KAT6B: variants seen among roughly 807,000 people sequenced by gnomAD.
The protein encoded by KAT6B is lysine acetyltransferase 6B, also known as histone acetyltransferase KAT6B.
In KAT6B, 10 loss-of-function variants were observed where a neutral mutation model predicts 187.5. The observed-to-expected ratio is 0.05, with a 90% CI of 0.03 to 0.09. KAT6B has a LOEUF of 0.09. KAT6B is among the 10% of genes least tolerant of loss of function. The pLI is 1.00. For missense variants in KAT6B, 1,952 were observed against 2,558.9 expected (o/e 0.76, Z 5.12); for synonymous variants, 861 against 926.8 (o/e 0.93, Z 1.29).
rs143876235 is a variant in KAT6B at position 74,879,333 on chromosome 10, G to A, written c.621+35855G>A. Among the ~76,000 whole-genome samples, 345 of 152,274 alleles carry A rather than the reference G, an allele frequency of 2.3e-3. 1 individual carries two copies. Among genetic ancestry groups the A allele is most frequent in the African/African-American group, 7.9e-3 (328 of 41,550 alleles). ...TGGAAAGCCCTAGGAAAACCAGGAT[G>A]GTTGGCCATCCTAGTCTTTCCCCAT... On this transcript the variant is annotated intron_variant, in intron 3 of 17. Coordinates refer to ENST00000287239, the MANE Select transcript of KAT6B (RefSeq NM_012330.4).
At chr10:74,851,111 AT>A (rs551058752) in intron 3 of KAT6B, among the ~76,000 whole-genome samples, 17,199 of 145,548 alleles carry the variant, frequency 0.12, 2,211 homozygotes, top group African/African-American at 0.32. Flanking sequence ...AATCAAAATG[AT>A]TTTTTTTTTT....
intron 3 of KAT6B, among the ~76,000 whole-genome samples, chr10:74,871,448 T>G (rs972779789): frequency 1.3e-5 from 2 of 151,468 alleles, no homozygotes; most frequent in Non-Finnish European, 2.9e-5. Context: ...CTGCCTTGGC[T>G]TCCCAAAGTG....
At chr10:74,833,864 C>CT (rs1235768650) in intron 1 of KAT6B, among the ~76,000 whole-genome samples, 1 of 152,184 alleles carries the variant, frequency 6.6e-6, no homozygotes, top group Admixed American at 6.5e-5. Flanking sequence ...TAGTGTTACT[C>CT]TAAAAAGATG....
intron 3 of KAT6B, among the ~76,000 whole-genome samples, chr10:74,948,745 T>C (rs1199519027): frequency 6.6e-6 from 1 of 152,234 alleles, no homozygotes; most frequent in African/African-American, 2.4e-5. Context: ...ATTGTTGTTA[T>C]GCCTATCCTT....
rs1022610611 is a variant in KAT6B at position 74,918,205 on chromosome 10, G to A, written c.622-41765G>A. Among the ~76,000 whole-genome samples the A allele has an allele frequency of 2.6e-5, 4 of 152,158 alleles. No homozygotes were observed. The East Asian group carries it at 7.7e-4, about 29-fold the overall frequency. ...TTAATAAAGAATATGAATTTATTCT[G>A]TAATGCCTATTGGGCACCTATTATA... On this transcript the variant is annotated intron_variant, in intron 3 of 17. Transcript: ENST00000287239.
At chr10:74,907,510 T>TTTTTTC (rs774952241) in intron 3 of KAT6B, among the ~76,000 whole-genome samples, 29 of 152,240 alleles carry the variant, frequency 1.9e-4, no homozygotes, top group Non-Finnish European at 1.3e-4. Context: ...GTGACTTTTC[T>TTTTTTC]TTTTTCTTTT....
At chr10:74,951,512 C>T (rs1412820400) in intron 3 of KAT6B, among the ~76,000 whole-genome samples, 1 of 151,926 alleles carries the variant, frequency 6.6e-6, no homozygotes, top group Non-Finnish European at 1.5e-5. Context: ...GGGGGAGTGC[C>T]ACCACAACTA....
intron 3 of KAT6B, among the ~76,000 whole-genome samples, chr10:74,958,011 C>T (rs952000477): frequency 7.9e-5 from 12 of 152,132 alleles, no homozygotes; most frequent in Admixed American, 2.6e-4. Flanking sequence ...TACCTCAGAA[C>T]GTAAAGCCTG....
At chr10:74,834,014 A>C (rs1841076943) in intron 1 of KAT6B, among the ~76,000 whole-genome samples, 2 of 152,134 alleles carry the variant, frequency 1.3e-5, no homozygotes, top group African/African-American at 2.4e-5. Context: ...TTTTTCTTTC[A>C]ATCACCCTTC....
At chr10:74,915,609 A>G (rs763101790) in intron 3 of KAT6B, among the ~76,000 whole-genome samples, 21 of 152,326 alleles carry the variant, frequency 1.4e-4, no homozygotes, top group Non-Finnish European at 2.8e-4. Flanking sequence ...TGTATCCCCA[A>G]CACTACCACA....
chr10:74,969,953 CAA>C, intron 5 of KAT6B, 65 bp from the exon 6 acceptor site: 1 of 1,213,458 alleles, frequency 8.2e-7, no homozygotes. Context: ...AATCCAGTAA[CAA>C]AAGAATTTTT....
intron 3 of KAT6B, among the ~76,000 whole-genome samples, chr10:74,879,891 T>C (rs904883240): frequency 9.2e-5 from 14 of 152,204 alleles, no homozygotes; most frequent in Non-Finnish European, 1.8e-4. Flanking sequence ...GGTCAGGAGT[T>C]TGAGACCAGC....
chr10:74,985,020 A>G, intron 11 of KAT6B, 60 bp from the exon 12 acceptor site: 1 of 1,461,634 alleles, frequency 6.8e-7, no homozygotes, highest in Non-Finnish European at 9.6e-7. Context: ...TATAGAAGAA[A>G]CAATTTTATA....
At chr10:74,913,229 C>G (rs1386047648) in intron 3 of KAT6B, among the ~76,000 whole-genome samples, 1 of 152,198 alleles carries the variant, frequency 6.6e-6, no homozygotes, top group Non-Finnish European at 1.5e-5. Flanking sequence ...TTTGAAACAC[C>G]ATGGTCCCCC....
Position 75,029,650 on chromosome 10 carries a change from A to C in KAT6B, c.4826A>C (p.Gln1609Pro). 6.2e-7 allele frequency: 1 copy of C among 1,614,176 alleles called. No individual in the cohort carries two copies. Residue 1609 changes from glutamine to proline, a missense_variant, in exon 18 of 18, where the codon CAG (glutamine) becomes CCG (proline). Physicochemically the swap from Gln to Pro is moderately conservative, Grantham distance 76 (BLOSUM62 -1). Around this residue, in one of 9 missense-constraint regions of KAT6B, gnomAD observed 758 missense variants for 891.4 expected, o/e 0.85. Coordinates refer to ENST00000287239, the MANE Select transcript of KAT6B (RefSeq NM_012330.4). This position sits in a 1 kb window ranked among gnomAD's most constrained non-coding sequence, Gnocchi z 6.2. ...TCATCCGTCCACTCCCATCCTGGCCAGTCCGTACGTTCTGTCAACAGCCCA... is the reference window on the plus strand; with the variant it reads ...TCATCCGTCCACTCCCATCCTGGCCCGTCCGTACGTTCTGTCAACAGCCCA... The part of the protein sequence containing the change: ...PVSSVHSHPG[Q>P]SVRSVNSPSV...
At chr10:74,872,949 C>T (rs543836544) in intron 3 of KAT6B, among the ~76,000 whole-genome samples, 3 of 152,216 alleles carry the variant, frequency 2.0e-5, no homozygotes, top group African/African-American at 7.2e-5. Context: ...AGATGATACT[C>T]TTATATCAAT....
At position 75,029,203 on chromosome 10, in the gene KAT6B, T is replaced by C. The variant is rs1846120683; in HGVS notation, c.4379T>C (p.Leu1460Ser). ...KEVLENQETF[L>S]DLNVQPGHSN... ...GTACTGGAAAACCAGGAGACTTTTT[T>C]AGACCTTAATGTGCAGCCTGGTCAC... Residue 1460 changes from leucine to serine, a missense_variant, in exon 18 of 18, where the codon TTA (leucine) becomes TCA (serine). This residue lies in a region of KAT6B where 758 missense variants were observed against 891.4 expected (regional missense o/e 0.85). Coordinates refer to ENST00000287239, the MANE Select transcript of KAT6B (RefSeq NM_012330.4). This position sits in a 1 kb window ranked among gnomAD's most constrained non-coding sequence, Gnocchi z 6.2. 4.3e-6 allele frequency: 7 copies of C among 1,614,132 alleles called. No individual in the cohort carries two copies. The highest frequency in any genetic ancestry group is 5.1e-6 in the Non-Finnish European group (6 of 1,180,022).
chr10:74,973,412 G>A (rs10490993), intron 7 of KAT6B, among the ~76,000 whole-genome samples: 5,283 of 152,228 alleles, frequency 0.035, 218 homozygotes, highest in East Asian at 0.16. Flanking sequence ...TTACGAATGG[G>A]ATCAGTAGAC....
chr10:74,971,334 A>G (rs979911738), intron 6 of KAT6B, among the ~76,000 whole-genome samples: 2 of 152,198 alleles, frequency 1.3e-5, no homozygotes, highest in African/African-American at 4.8e-5. Context: ...AGCAGTATAG[A>G]AGGATACCTA....
Sources: gnomAD v4.1 joint callset for allele counts (sites outside exome capture counted in the v4.1 genomes callset) on GRCh38, gnomAD v4.1.1 for gene constraint, gnomAD v4.1.1 regional missense constraint, Gnocchi (gnomAD v3.1) non-coding constraint, MANE v1.5 for transcripts, NCBI Gene and HGNC (gene_info 2026-07-23, HGNC 2026-07-21) for gene names.